Variants in RIMS2 observed in about 807,000 individuals in gnomAD.
RIMS2 encodes the protein regulating synaptic membrane exocytosis protein 2.
In RIMS2, 59 loss-of-function variants were observed where a neutral mutation model predicts 174.4. The ratio of observed to expected loss-of-function variants is 0.34; its 90% CI spans 0.27 to 0.42. RIMS2 has a LOEUF of 0.42. Among genes scored for constraint, RIMS2 ranks in the 10% least tolerant of loss-of-function variants. The probability of loss-of-function intolerance (pLI) is 1.00; values close to 1 mark genes in which losing one functional copy is unlikely to be tolerated. For synonymous variants in RIMS2, 606 were observed against 572.5 expected, an observed-to-expected ratio of 1.06 and a Z score of -0.84; for missense variants, 1,620 against 1,666.3, an observed-to-expected ratio of 0.97 and a Z score of 0.48.
intron 3 of RIMS2, among the ~76,000 whole-genome samples, chr8:103,794,421 C>T (rs951858555): frequency 5.3e-5 from 8 of 152,128 alleles, no homozygotes; most frequent in African/African-American, 1.2e-4. Flanking sequence ...ACAACTTATA[C>T]AAAAATTAAT....
chr8:103,673,756 A>G (rs1200260951), intron 1 of RIMS2, among the ~76,000 whole-genome samples: 1 of 152,346 alleles, frequency 6.6e-6, no homozygotes, highest in African/African-American at 2.4e-5. Flanking sequence ...GTTGGCTCCC[A>G]TTTAGTAATA....
rs1414374649 is a variant in RIMS2 at position 103,769,543 on chromosome 8, C to G, written c.698+3006C>G. ...GTCTCACCATGTTGGCCAGGCTGGT[C>G]TCATATTCCTGAACTGAGATGATCC... On this transcript the variant is annotated intron_variant, in intron 3 of 23. Transcript: ENST00000504942. Among the ~76,000 whole-genome samples the G allele has an allele frequency of 4.6e-5, 7 of 152,298 alleles. No individual in the cohort carries two copies. In the South Asian group the frequency reaches 1.2e-3, roughly 27 times the overall value.
At chr8:103,504,846 C>CTTTTTTTTTTTTTTTTTTTTT (rs11367763) in intron 1 of RIMS2, among the ~76,000 whole-genome samples, 5 of 95,056 alleles carry the variant, frequency 5.3e-5, no homozygotes, top group Admixed American at 2.5e-4. Flanking sequence ...TTCTTTCTTT[C>CTTTTTTTTTTTTTTTTTTTTT]TTTTTTTTTT....
At position 103,543,303 on chromosome 8, in the gene RIMS2, C is replaced by A. The variant is rs543823096; in HGVS notation, c.176+42241C>A. 1.5e-3 allele frequency among the ~76,000 whole-genome samples: 228 copies of A among 151,810 alleles called. 1 individual carries two copies. The highest frequency in any genetic ancestry group is 0.014 in the Middle Eastern group (4 of 294). Reference sequence around the variant, plus strand: ...AAAAATATCTAGGAATAAATGTAACCAAGGAGGTGAAAGATAAGTACACGG... The same window carrying A: ...AAAAATATCTAGGAATAAATGTAACAAAGGAGGTGAAAGATAAGTACACGG... On this transcript the variant is annotated intron_variant, in intron 1 of 23. Coordinates refer to ENST00000504942, the Ensembl canonical transcript of RIMS2.
At chr8:104,116,720 C>G (rs111444383) in intron 19 of RIMS2, among the ~76,000 whole-genome samples, 4 of 151,986 alleles carry the variant, frequency 2.6e-5, no homozygotes, top group African/African-American at 9.6e-5. Context: ...TAAAATGTGT[C>G]TGAAACCAAA....
intron 2 of RIMS2, among the ~76,000 whole-genome samples, chr8:103,746,140 G>C (rs574239543): frequency 2.0e-5 from 3 of 152,202 alleles, no homozygotes; most frequent in Admixed American, 1.3e-4. Flanking sequence ...TATGAGTTAG[G>C]GGTCCAACTT....
chr8:104,055,185 T>C (rs997555563), intron 19 of RIMS2, among the ~76,000 whole-genome samples: 1 of 152,138 alleles, frequency 6.6e-6, no homozygotes, highest in Admixed American at 6.5e-5. Context: ...TAAAAGATAC[T>C]TTTAATACTC....
At chr8:104,059,348 A>G (rs2096934147) in intron 19 of RIMS2, among the ~76,000 whole-genome samples, 1 of 149,890 alleles carries the variant, frequency 6.7e-6, no homozygotes. Context: ...ATGGGAGTTC[A>G]CTCATGATTT....
intron 1 of RIMS2, among the ~76,000 whole-genome samples, chr8:103,659,076 G>A (rs1390087372): frequency 7.2e-5 from 11 of 152,164 alleles, no homozygotes; most frequent in African/African-American, 2.4e-4. Flanking sequence ...AATTTTTAAA[G>A]TTCACTTGTT....
chr8:103,920,231 A>G (rs1015464079), intron 9 of RIMS2, among the ~76,000 whole-genome samples: 1 of 152,066 alleles, frequency 6.6e-6, no homozygotes, highest in Non-Finnish European at 1.5e-5. Context: ...TTCCTCAATA[A>G]ATTATTTTCT....
intron 19 of RIMS2, among the ~76,000 whole-genome samples, chr8:104,239,876 G>C (rs774818707): frequency 5.9e-5 from 9 of 152,282 alleles, no homozygotes; most frequent in Middle Eastern, 3.4e-3. Flanking sequence ...TGCCTGGGCT[G>C]AGTTCTTGTC....
At chr8:103,587,566 C>T (rs1217561798) in intron 1 of RIMS2, among the ~76,000 whole-genome samples, 1 of 151,998 alleles carries the variant, frequency 6.6e-6, no homozygotes. Flanking sequence ...GATCATTCCT[C>T]ATGACAAAAT....
chr8:103,652,622 A>T lies in RIMS2; in HGVS notation c.177-44464A>T. 1 of 1,339,670 alleles carries T rather than the reference A, an allele frequency of 7.5e-7. No individual in the cohort carries two copies. Among genetic ancestry groups the T allele is most frequent in the Non-Finnish European group, 9.9e-7 (1 of 1,011,842 alleles). The allele number at this position is 1,339,670 out of a possible 1,614,324, so 83.0% of individuals were successfully genotyped here. A position where few individuals can be genotyped will look rare whatever the true frequency, so the allele number is the denominator to read the frequency against. On this transcript the variant is annotated intron_variant, in intron 1 of 23. Transcript: ENST00000504942. The stretch of plus-strand genomic sequence containing the variant: ...AGTCACATTATTTGCTTATTTAAAC[A>T]GGTGGTTTCCCTTTAGTGGAATCAC...
At chr8:103,798,925 T>C (rs892484887) in intron 3 of RIMS2, among the ~76,000 whole-genome samples, 9 of 151,860 alleles carry the variant, frequency 5.9e-5, no homozygotes, top group Admixed American at 3.3e-4. Context: ...CTTTTTTTTT[T>C]TTTTTTGGCT....
At chr8:103,539,128 G>T (rs1267474517) in intron 1 of RIMS2, among the ~76,000 whole-genome samples, 1 of 152,224 alleles carries the variant, frequency 6.6e-6, no homozygotes, top group East Asian at 1.9e-4. Context: ...GAGTACAGAA[G>T]TTTGGGGCTG....
intron 19 of RIMS2, among the ~76,000 whole-genome samples, chr8:104,081,292 T>G (rs1290815678): frequency 6.6e-6 from 1 of 151,962 alleles, no homozygotes; most frequent in Non-Finnish European, 1.5e-5. Flanking sequence ...TTTAAATGAG[T>G]TTAAAGGGCT....
intron 3 of RIMS2, among the ~76,000 whole-genome samples, chr8:103,818,081 T>TA (rs1333641149): frequency 6.6e-6 from 1 of 152,206 alleles, no homozygotes; most frequent in South Asian, 2.1e-4. Context: ...CATCTTATTT[T>TA]AAAAAATGGT....
At chr8:104,044,653 T>A (rs143884622) in intron 19 of RIMS2, among the ~76,000 whole-genome samples, 105 of 151,854 alleles carry the variant, frequency 6.9e-4, no homozygotes, top group African/African-American at 2.5e-3. Context: ...TAATTTGAAG[T>A]CTTTCTTAAC....
At chr8:103,607,024 G>T (rs1314213962) in intron 1 of RIMS2, among the ~76,000 whole-genome samples, 2 of 151,748 alleles carry the variant, frequency 1.3e-5, no homozygotes, top group African/African-American at 4.8e-5. Context: ...ATTGTTATGT[G>T]TGAATCTGAT....
Sources: allele counts gnomAD v4.1 joint callset (sites outside exome capture counted in the v4.1 genomes callset), GRCh38; gene constraint gnomAD v4.1.1; transcripts MANE v1.5; gene names NCBI Gene and HGNC (gene_info 2026-07-23, HGNC 2026-07-21).